Variants in EPS15 observed in about 807,000 individuals in gnomAD.
EPS15 encodes the protein epidermal growth factor receptor pathway substrate 15.
EPS15 carries 72 observed loss-of-function variants against 113.8 expected under a neutral mutation model. That is an observed-to-expected ratio of 0.63 (90% CI 0.52 to 0.77). The LOEUF (loss-of-function observed/expected upper bound fraction) is 0.77. Among genes scored for constraint, EPS15 ranks in the 30% least tolerant of loss-of-function variants. The pLI is 0.00. For synonymous variants in EPS15, 344 were observed against 363.4 expected (o/e 0.95, Z 0.61); for missense variants, 1,048 against 1,045.8 (o/e 1.00, Z -0.03).
intron 15 of EPS15, among the ~76,000 whole-genome samples, chr1:51,407,513 T>C (rs1649244793): frequency 1.3e-5 from 2 of 152,156 alleles, no homozygotes; most frequent in South Asian, 4.1e-4. Flanking sequence ...AACTATCTTA[T>C]CATTCATTAA....
intron 7 of EPS15, 124 bp downstream of exon 7, chr1:51,463,549 T>C (rs1654628559): frequency 1.8e-6 from 1 of 543,424 alleles, no homozygotes; most frequent in Non-Finnish European, 3.1e-6. Context: ...CAAAAAATCC[T>C]ATAATGATAC....
Position 51,461,097 on chromosome 1 carries a change from A to G in EPS15, c.555T>C (p.Phe185=). The G allele has an allele frequency of 6.3e-7, 1 of 1,593,190 alleles. No individual in the cohort carries two copies. The highest frequency in any genetic ancestry group is 8.6e-7 in the Non-Finnish European group (1 of 1,160,936). Residue 185 remains phenylalanine, a synonymous_variant, in exon 8 of 25, where the codon TTT becomes TTC. Transcript: ENST00000371733. ...AGAACATTAGATTACTTACAACTGC[A>G]AACTCATCTCTGTCAAGCATTCCAT... ...DHDGMLDRDE[F]AVAMFLVYCA... is the part of the protein sequence containing the mutation.
At chr1:51,370,533 TA>T (rs1188902455) in intron 21 of EPS15, among the ~76,000 whole-genome samples, 1 of 152,122 alleles carries the variant, frequency 6.6e-6, no homozygotes, top group East Asian at 1.9e-4. Flanking sequence ...CCGTATTTGA[TA>T]ATAATAATAA....
intron 12 of EPS15, among the ~76,000 whole-genome samples, chr1:51,438,869 AT>A (rs1043150033): frequency 1.0e-4 from 15 of 148,256 alleles, no homozygotes; most frequent in Admixed American, 2.7e-4. Context: ...TTTGGATTTG[AT>A]TTTTTTTTTT....
intron 1 of EPS15, among the ~76,000 whole-genome samples, chr1:51,483,416 T>TGA (rs201887928): frequency 0.062 from 9,400 of 151,324 alleles, 939 homozygotes; most frequent in African/African-American, 0.21. Context: ...TGTGTGTGTG[T>TGA]GTGTGTGTGT....
chr1:51,422,387 A>G (rs775406183), intron 12 of EPS15, among the ~76,000 whole-genome samples: 1 of 152,250 alleles, frequency 6.6e-6, no homozygotes, highest in East Asian at 1.9e-4. Context: ...GATTATTAAT[A>G]CACAGGCAAT....
intron 8 of EPS15, chr1:51,458,067 T>C (rs1570349743): frequency 2.0e-5 from 3 of 151,718 alleles, no homozygotes; most frequent in Middle Eastern, 3.4e-3. Context: ...ATAAGAAATA[T>C]CAGGTAATTC....
chr1:51,372,011 A>T (rs1469312327), intron 21 of EPS15, among the ~76,000 whole-genome samples: 1 of 152,238 alleles, frequency 6.6e-6, no homozygotes, highest in Non-Finnish European at 1.5e-5. Flanking sequence ...AATAGGCTAT[A>T]TGACGAATAG....
chr1:51,470,100 A>G (rs923281695), intron 4 of EPS15, among the ~76,000 whole-genome samples: 13 of 152,178 alleles, frequency 8.5e-5, no homozygotes, highest in Admixed American at 7.9e-4. Flanking sequence ...TTAGGTAATC[A>G]AGTCTATTAC....
intron 11 of EPS15, among the ~76,000 whole-genome samples, chr1:51,444,104 T>C (rs566494782): frequency 1.3e-5 from 2 of 152,236 alleles, no homozygotes; most frequent in East Asian, 3.9e-4. Context: ...CTGAAAAATC[T>C]CCACAGCCAT....
chr1:51,512,998 A>T (rs1570461563), intron 1 of EPS15, among the ~76,000 whole-genome samples: 1 of 151,634 alleles, frequency 6.6e-6, no homozygotes, highest in Non-Finnish European at 1.5e-5. Flanking sequence ...CCAGCTAATT[A>T]AAAAAAATTT....
intron 20 of EPS15, among the ~76,000 whole-genome samples, chr1:51,395,270 T>A (rs545119452): frequency 3.3e-5 from 5 of 152,260 alleles, no homozygotes; most frequent in African/African-American, 1.2e-4. Flanking sequence ...TTATAGTACA[T>A]CTATTAAAAC....
At chr1:51,457,683 G>A (rs1046077213) in intron 8 of EPS15, 1 of 151,902 alleles carries the variant, frequency 6.6e-6, no homozygotes, top group East Asian at 1.9e-4. Flanking sequence ...CAAAAGTTTT[G>A]ACTGTAACTT....
chr1:51,405,922 T>A lies in EPS15; in HGVS notation c.1660A>T (p.Ile554Leu). ...EGQSNLESEP[I>L]HQESPARSSP... ...AGACTCACTGGAGATTCCTGGTGTA[T>A]GGGCTCAGACTCTAGGTTGCTCTGG... The change falls in exon 16 of 25, where the codon ATA becomes TTA. Residue 554 changes from isoleucine to leucine, a missense_variant. Transcript: ENST00000371733. 1 of 1,614,092 alleles carries A rather than the reference T, an allele frequency of 6.2e-7. No homozygotes were observed. The highest frequency in any genetic ancestry group is 8.5e-7 in the Non-Finnish European group (1 of 1,179,986).
At chr1:51,481,219 G>A in intron 2 of EPS15, 54 bp downstream of exon 2, 2 of 892,336 alleles carry the variant, frequency 2.2e-6, no homozygotes, top group Admixed American at 1.8e-5. Context: ...ACAATCAAGA[G>A]TTGACAGTAC....
At chr1:51,426,892 T>C (rs142511920) in intron 12 of EPS15, among the ~76,000 whole-genome samples, 185 of 151,662 alleles carry the variant, frequency 1.2e-3, no homozygotes, top group African/African-American at 4.3e-3. Flanking sequence ...TACACACACA[T>C]ATATATACAT....
intron 1 of EPS15, among the ~76,000 whole-genome samples, chr1:51,499,931 C>G (rs936393479): frequency 6.6e-6 from 1 of 152,210 alleles, no homozygotes. Flanking sequence ...AACTGGAAAT[C>G]TGTACATGTT....
At chr1:51,411,611 T>G (rs775908493) in intron 13 of EPS15, among the ~76,000 whole-genome samples, 14 of 152,214 alleles carry the variant, frequency 9.2e-5, no homozygotes, top group Non-Finnish European at 1.8e-4. Context: ...TTATGCCCCT[T>G]CTAAATTGAA....
intron 8 of EPS15, among the ~76,000 whole-genome samples, chr1:51,459,977 T>C (rs1285308885): frequency 6.6e-6 from 1 of 152,000 alleles, no homozygotes; most frequent in South Asian, 2.1e-4. Flanking sequence ...TAACAGGGAA[T>C]TAAATGTTAA....
Sources: gnomAD v4.1 joint callset for allele counts (sites outside exome capture counted in the v4.1 genomes callset) on GRCh38, gnomAD v4.1.1 for gene constraint, MANE v1.5 for transcripts, NCBI Gene and HGNC (gene_info 2026-07-23, HGNC 2026-07-21) for gene names.